The following PPP2R2C variants were observed in gnomAD, a reference collection of about 807,000 sequenced individuals.
The protein encoded by PPP2R2C is protein phosphatase 2 regulatory subunit Bgamma, also known as protein phosphatase 2, regulatory subunit B, gamma.
PPP2R2C carries 10 observed loss-of-function variants against 45.3 expected under a neutral mutation model. The ratio of observed to expected loss-of-function variants is 0.22; its 90% CI spans 0.14 to 0.37. The LOEUF (loss-of-function observed/expected upper bound fraction) is 0.37. Ranked by LOEUF, PPP2R2C falls within the 10% of genes least tolerant of loss-of-function variation. The pLI, the probability that PPP2R2C is intolerant of heterozygous loss-of-function variation, is 1.00. For synonymous variants in PPP2R2C, 257 were observed against 245.4 expected, an observed-to-expected ratio of 1.05 and a Z score of -0.44; for missense variants, 308 against 619.7, an observed-to-expected ratio of 0.50 and a Z score of 5.34.
intron 2 of PPP2R2C, among the ~76,000 whole-genome samples, chr4:6,483,549 G>A (rs1049656308): frequency 1.3e-4 from 20 of 151,782 alleles, no homozygotes; most frequent in African/African-American, 3.6e-4. Context: ...TCATCTTTTC[G>A]TGTGCTTATT....
chr4:6,385,895 G>A (rs1260011000), intron 1 of PPP2R2C, among the ~76,000 whole-genome samples: 1 of 152,128 alleles, frequency 6.6e-6, no homozygotes, highest in Non-Finnish European at 1.5e-5. Context: ...GCCATTGTGT[G>A]CTCTTCACTA....
At chr4:6,406,003 T>G (rs931643259) in intron 1 of PPP2R2C, among the ~76,000 whole-genome samples, 5 of 152,172 alleles carry the variant, frequency 3.3e-5, no homozygotes, top group African/African-American at 1.2e-4. Context: ...AACAGAGGTA[T>G]AGGATCAGGA....
chr4:6,435,042 T>G (rs1286595711), intron 1 of PPP2R2C, among the ~76,000 whole-genome samples: 1 of 152,212 alleles, frequency 6.6e-6, no homozygotes, highest in Non-Finnish European at 1.5e-5. Flanking sequence ...GTCCATAAAT[T>G]CAAATCTTAT....
chr4:6,354,873 G>T (rs143888129), intron 5 of PPP2R2C, among the ~76,000 whole-genome samples: 1 of 152,092 alleles, frequency 6.6e-6, no homozygotes, highest in Non-Finnish European at 1.5e-5. Flanking sequence ...CAGGTTGTGC[G>T]CACGGAGGAG....
chr4:6,402,679 G>C (rs1717495536), intron 1 of PPP2R2C, among the ~76,000 whole-genome samples: 1 of 152,246 alleles, frequency 6.6e-6, no homozygotes, highest in African/African-American at 2.4e-5. Context: ...GGCATGGCCA[G>C]GGCTGCGATG....
intron 6 of PPP2R2C, among the ~76,000 whole-genome samples, chr4:6,343,137 G>A (rs1024632887): frequency 3.9e-5 from 6 of 152,142 alleles, no homozygotes; most frequent in African/African-American, 7.2e-5. Flanking sequence ...AAAAACAGCC[G>A]CCACCTGCTA....
intron 2 of PPP2R2C, among the ~76,000 whole-genome samples, chr4:6,509,257 G>C (rs970086843): frequency 6.6e-6 from 1 of 152,288 alleles, no homozygotes; most frequent in Non-Finnish European, 1.5e-5. Context: ...GAAAACAAAG[G>C]AGGAAATCTG....
intron 1 of PPP2R2C, among the ~76,000 whole-genome samples, chr4:6,451,878 C>T (rs1185550782): frequency 1.3e-5 from 2 of 152,096 alleles, no homozygotes; most frequent in Non-Finnish European, 2.9e-5. Flanking sequence ...AGATGGAGGG[C>T]TCCACGGAAC....
At chr4:6,340,828 G>A (rs544827004) in intron 6 of PPP2R2C, among the ~76,000 whole-genome samples, 1 of 152,248 alleles carries the variant, frequency 6.6e-6, no homozygotes, top group African/African-American at 2.4e-5. Flanking sequence ...GCTCTGGCCT[G>A]TGAGGCCTCC....
At chr4:6,529,325 C>T (rs1407590435) in intron 2 of PPP2R2C, among the ~76,000 whole-genome samples, 1 of 152,246 alleles carries the variant, frequency 6.6e-6, no homozygotes, top group Admixed American at 6.5e-5. Context: ...CTGGCCTCTC[C>T]CCTGCAGCCC....
At chr4:6,377,711 C>T (rs901606762) in intron 3 of PPP2R2C, among the ~76,000 whole-genome samples, 1 of 152,104 alleles carries the variant, frequency 6.6e-6, no homozygotes, top group African/African-American at 2.4e-5. Context: ...CCCCAGGCTG[C>T]CTGGGTCCGC....
At chr4:6,356,649 G>T (rs780195580) in intron 5 of PPP2R2C, among the ~76,000 whole-genome samples, 18 of 152,252 alleles carry the variant, frequency 1.2e-4, no homozygotes, top group Non-Finnish European at 5.9e-5. Context: ...CACGTGAAGC[G>T]CTGAGAACAG....
intron 1 of PPP2R2C, among the ~76,000 whole-genome samples, chr4:6,556,491 G>A (rs994351818): frequency 2.0e-5 from 3 of 152,188 alleles, no homozygotes; most frequent in African/African-American, 7.2e-5. Context: ...ATAACTGCCT[G>A]AGCCAATTCC....
intron 1 of PPP2R2C, among the ~76,000 whole-genome samples, chr4:6,417,256 G>A (rs1053366346): frequency 1.3e-5 from 2 of 152,238 alleles, no homozygotes; most frequent in African/African-American, 4.8e-5. Context: ...AGGTGGTAAT[G>A]CTGCTTCTGA....
intron 1 of PPP2R2C, among the ~76,000 whole-genome samples, chr4:6,452,264 C>T (rs1276680351): frequency 6.6e-6 from 1 of 152,180 alleles, no homozygotes; most frequent in African/African-American, 2.4e-5. Flanking sequence ...AGGTTCCCAT[C>T]AGCTCCAGAT....
At chr4:6,349,557 C>T (rs1712338659) in intron 5 of PPP2R2C, 1 of 985,286 alleles carries the variant, frequency 1.0e-6, no homozygotes, top group African/African-American at 1.7e-5. Context: ...CAAGCTGCTG[C>T]CTCTCTCAGT....
At chr4:6,354,848 C>T (rs1031826428) in intron 5 of PPP2R2C, among the ~76,000 whole-genome samples, 3 of 152,096 alleles carry the variant, frequency 2.0e-5, no homozygotes, top group Non-Finnish European at 1.5e-5. Context: ...CCCCATTGCC[C>T]CTTAGAAGAA....
intron 1 of PPP2R2C, among the ~76,000 whole-genome samples, chr4:6,405,100 G>A (rs1317397684): frequency 2.6e-5 from 4 of 152,232 alleles, no homozygotes; most frequent in East Asian, 3.8e-4. Flanking sequence ...TGCTATTAAC[G>A]CCCTGTGCCC....
At chr4:6,387,807 GA>G (rs10623195) in intron 1 of PPP2R2C, among the ~76,000 whole-genome samples, 1,653 of 143,432 alleles carry the variant, frequency 0.012, 10 homozygotes, top group Non-Finnish European at 0.019. Context: ...CAACAGTGAA[GA>G]AAAAAAAAAA....
Sources: gnomAD v4.1 joint callset for allele counts (sites outside exome capture counted in the v4.1 genomes callset) on GRCh38, gnomAD v4.1.1 for gene constraint, MANE v1.5 for transcripts, NCBI Gene and HGNC (gene_info 2026-07-23, HGNC 2026-07-21) for gene names.